THSD7B: variants seen among roughly 807,000 people sequenced by gnomAD.
THSD7B encodes thrombospondin type-1 domain-containing protein 7B.
Under a neutral mutation model 213.6 loss-of-function variants are expected in THSD7B, and 138 were observed. That is an observed-to-expected ratio of 0.65 (90% confidence interval 0.56 to 0.74). THSD7B has a LOEUF of 0.74. THSD7B is among the 30% of genes least tolerant of loss of function. The pLI, the probability that THSD7B is intolerant of heterozygous loss-of-function variation, is 0.00. For synonymous variants in THSD7B, 742 were observed against 687.0 expected, an observed-to-expected ratio of 1.08 and a Z score of -1.25; for missense variants, 1,931 against 1,991.5, an observed-to-expected ratio of 0.97 and a Z score of 0.58.
At chr2:137,275,820 G>T (rs1440258653) in intron 11 of THSD7B, 103 bp from the exon 12 acceptor site, 2 of 821,602 alleles carry the variant, frequency 2.4e-6, no homozygotes, top group East Asian at 2.8e-5. Context: ...CATTTTTATT[G>T]AATTACTGTC....
At chr2:137,117,744 C>A (rs1287744817) in intron 5 of THSD7B, among the ~76,000 whole-genome samples, 1 of 152,132 alleles carries the variant, frequency 6.6e-6, no homozygotes, top group East Asian at 1.9e-4. Flanking sequence ...GGGGGAAAAA[C>A]AGACTTCATT....
In THSD7B at chr2:137,614,265, A is replaced by G. The variant is rs868027134; in HGVS notation, c.3424-1910A>G. 5.3e-5 allele frequency among the ~76,000 whole-genome samples: 8 copies of G among 152,302 alleles called. No individual in the cohort carries two copies. The South Asian group carries it at 1.4e-3, about 28-fold the overall frequency. On this transcript the variant is annotated intron_variant, in intron 17 of 27. Transcript: ENST00000409968. ...CTGAGGAAGAAAATTCTTAAATCTT[A>G]TCAAATTTCATCCCATCCCCATTCT...
chr2:136,886,816 A>C (rs977600343), intron 2 of THSD7B, among the ~76,000 whole-genome samples: 1 of 152,130 alleles, frequency 6.6e-6, no homozygotes, highest in Non-Finnish European at 1.5e-5. Context: ...AATATTAAGC[A>C]CTCAGAATTG....
At position 137,233,059 on chromosome 2, in the gene THSD7B, C is replaced by T; in HGVS notation, c.2076C>T (p.Ala692=). 1 of 1,613,932 alleles carries T rather than the reference C, an allele frequency of 6.2e-7. No homozygotes were observed. Among genetic ancestry groups the T allele is most frequent in the Middle Eastern group, 1.6e-4 (1 of 6,062 alleles). ...LNATIGWNGE[A]TCGVGIQTRR... ...CAACCATTGGCTGGAATGGAGAAGC[C>T]ACGTGTGGTGTAGGCATTCAGACTC... Residue 692 remains alanine (A), a synonymous_variant, in exon 9 of 28, where the codon GCC becomes GCT. Transcript: ENST00000409968.
chr2:137,437,040 T>G (rs1869326), intron 14 of THSD7B, among the ~76,000 whole-genome samples: 12,798 of 152,176 alleles, frequency 0.084, 1,144 homozygotes, highest in African/African-American at 0.22. Flanking sequence ...TGCCCTGAAA[T>G]ACCATAGTTG....
chr2:137,660,753 A>G (rs1430188238), intron 25 of THSD7B, among the ~76,000 whole-genome samples: 1 of 152,218 alleles, frequency 6.6e-6, no homozygotes, highest in Non-Finnish European at 1.5e-5. Flanking sequence ...AGCTAAGCAC[A>G]TACAAATTTG....
intron 17 of THSD7B, among the ~76,000 whole-genome samples, chr2:137,577,074 C>A (rs1681479728): frequency 6.6e-6 from 1 of 152,052 alleles, no homozygotes; most frequent in Non-Finnish European, 1.5e-5. Context: ...TAGTTCTTTT[C>A]TTTGATTCAA....
At chr2:137,311,406 C>G (rs1265227302) in intron 12 of THSD7B, among the ~76,000 whole-genome samples, 1 of 152,122 alleles carries the variant, frequency 6.6e-6, no homozygotes, top group Non-Finnish European at 1.5e-5. Context: ...AGATTTTAGA[C>G]TGAGACAATG....
chr2:136,928,956 G>C (rs554042473), intron 2 of THSD7B, among the ~76,000 whole-genome samples: 1 of 151,938 alleles, frequency 6.6e-6, no homozygotes, highest in South Asian at 2.1e-4. Context: ...TATTACCAGA[G>C]TATTAGTTAC....
chr2:137,372,420 C>A (rs1023804657), intron 12 of THSD7B, among the ~76,000 whole-genome samples: 2 of 143,260 alleles, frequency 1.4e-5, no homozygotes, highest in East Asian at 4.2e-4. Flanking sequence ...CTCAGGAGGT[C>A]CTGAGAACGG....
chr2:137,117,121 C>T (rs1688459394), intron 5 of THSD7B, among the ~76,000 whole-genome samples: 1 of 152,120 alleles, frequency 6.6e-6, no homozygotes, highest in South Asian at 2.1e-4. Context: ...CATAAAGGCA[C>T]TGTATACAGC....
At chr2:137,345,796 G>A (rs1684863239) in intron 12 of THSD7B, among the ~76,000 whole-genome samples, 3 of 151,560 alleles carry the variant, frequency 2.0e-5, no homozygotes, top group Admixed American at 2.0e-4. Context: ...TAGGATGTGA[G>A]CAATTCAGCT....
chr2:137,260,370 A>G (rs1029545444), intron 10 of THSD7B, among the ~76,000 whole-genome samples: 2 of 152,158 alleles, frequency 1.3e-5, no homozygotes, highest in African/African-American at 4.8e-5. Context: ...GTATGTGGGC[A>G]TGGGTATAGT....
chr2:137,512,857 C>G (rs1056212494), intron 15 of THSD7B, among the ~76,000 whole-genome samples: 1 of 152,140 alleles, frequency 6.6e-6, no homozygotes, highest in Non-Finnish European at 1.5e-5. Context: ...ATTTTTCTCA[C>G]TTTCCAGAAG....
intron 2 of THSD7B, among the ~76,000 whole-genome samples, chr2:136,972,711 T>G (rs1344054762): frequency 6.6e-6 from 1 of 152,166 alleles, no homozygotes; most frequent in East Asian, 1.9e-4. Flanking sequence ...TTAAGACAAG[T>G]TATTAGGAAG....
chr2:137,462,398 G>A (rs113102303), intron 15 of THSD7B, among the ~76,000 whole-genome samples: 2,834 of 152,130 alleles, frequency 0.019, 83 homozygotes, highest in African/African-American at 0.064. Flanking sequence ...GACACTTGCT[G>A]TGTGGGCTCT....
rs1215185747 is a variant in THSD7B, at chr2:137,590,792, G to GTTTTT, written c.3423+18253_3423+18257dup. On this transcript the variant is annotated intron_variant, in intron 17 of 27. Coordinates refer to ENST00000409968, the MANE Select transcript of THSD7B (RefSeq NM_001316349.2). ...GCATTTTTCCCTCTGCTTTGAAATA[G>GTTTTT]TTTTTTTTTTTTTTTTTTTTTAGCT... Among the ~76,000 whole-genome samples, 144 of 88,692 alleles carry GTTTTT rather than the reference G, an allele frequency of 1.6e-3. 7 individuals carry two copies. The highest frequency in any genetic ancestry group is 4.2e-3 in the African/African-American group (104 of 24,576). 58.2% of individuals were successfully genotyped at this position (88,692 alleles called of 152,430 possible).
At chr2:137,397,852 G>C (rs1268086132) in intron 12 of THSD7B, among the ~76,000 whole-genome samples, 1 of 127,790 alleles carries the variant, frequency 7.8e-6, no homozygotes, top group Non-Finnish European at 1.7e-5. Context: ...ATTTCTTGGA[G>C]GCTTTGCTCA....
intron 2 of THSD7B, among the ~76,000 whole-genome samples, chr2:137,019,885 G>A (rs1363527504): frequency 6.6e-6 from 1 of 152,126 alleles, no homozygotes; most frequent in Non-Finnish European, 1.5e-5. Context: ...TATTTAATTT[G>A]ACTACTGGCT....
Sources: allele counts gnomAD v4.1 joint callset (sites outside exome capture counted in the v4.1 genomes callset), GRCh38; gene constraint gnomAD v4.1.1; transcripts MANE v1.5; gene names NCBI Gene and HGNC (gene_info 2026-07-23, HGNC 2026-07-21).